Variants in ACOT12 observed in about 807,000 individuals in gnomAD.
The protein encoded by ACOT12 is acyl-CoA thioesterase 12, also known as acetyl-coenzyme A thioesterase.
In ACOT12, 51 loss-of-function variants were observed where a neutral mutation model predicts 67.7. The ratio of observed to expected loss-of-function variants is 0.75; its 90% CI spans 0.60 to 0.95. ACOT12 has a LOEUF of 0.95. Ranked by LOEUF, ACOT12 falls within the 40% of genes least tolerant of loss-of-function variation. The probability of loss-of-function intolerance (pLI) is 0.00; values close to 1 mark genes in which losing one functional copy is unlikely to be tolerated. For missense variants in ACOT12, 734 were observed against 708.1 expected (o/e 1.04, Z -0.41); for synonymous variants, 251 against 244.6 (o/e 1.03, Z -0.24).
At chr5:81,393,740 CG>C (rs1185111048) in intron 1 of ACOT12, among the ~76,000 whole-genome samples, 1 of 151,018 alleles carries the variant, frequency 6.6e-6, no homozygotes, top group African/African-American at 2.5e-5. Flanking sequence ...CAAAAAACCC[CG>C]CAGAAGCTCT....
intron 5 of ACOT12, among the ~76,000 whole-genome samples, chr5:81,351,735 A>G (rs1482448751): frequency 6.6e-6 from 1 of 152,226 alleles, no homozygotes; most frequent in African/African-American, 2.4e-5. Flanking sequence ...ACAGGTAACC[A>G]AAGCAAAAAT....
At chr5:81,312,423 A>G in the ACOT12 span, 1 of 710,744 alleles carries the variant, frequency 1.4e-6, no homozygotes, top group Non-Finnish European at 2.4e-6. Flanking sequence ...TTAGTGATGG[A>G]GTCTTCCCTC....
intron 12 of ACOT12, among the ~76,000 whole-genome samples, chr5:81,333,911 C>T (rs1758912037): frequency 6.6e-6 from 1 of 152,182 alleles, no homozygotes; most frequent in African/African-American, 2.4e-5. Flanking sequence ...GCCCACTGCA[C>T]CCCACATCCT....
intron 3 of ACOT12, among the ~76,000 whole-genome samples, chr5:81,370,107 C>G (rs1197524599): frequency 6.6e-6 from 1 of 151,964 alleles, no homozygotes; most frequent in Non-Finnish European, 1.5e-5. Context: ...ATGGTGAAAC[C>G]CCATCTCTAC....
the ACOT12 span, among the ~76,000 whole-genome samples, chr5:81,319,331 T>C: frequency 6.6e-6 from 1 of 152,210 alleles, no homozygotes; most frequent in South Asian, 2.1e-4. Context: ...AATTGACTAT[T>C]TAAAGTGTAT....
chr5:81,322,115 T>A, the ACOT12 span, among the ~76,000 whole-genome samples: 1 of 152,084 alleles, frequency 6.6e-6, no homozygotes, highest in African/African-American at 2.4e-5. Context: ...GAGGCAATAT[T>A]TTTTTAAATG....
the ACOT12 span, among the ~76,000 whole-genome samples, chr5:81,314,914 C>T: frequency 1.3e-5 from 2 of 152,048 alleles, no homozygotes; most frequent in Admixed American, 6.6e-5. Context: ...TGGGCTCCAG[C>T]GATCCTCCCG....
At chr5:81,325,559 G>A (rs140120125), downstream of ACOT12, among the ~76,000 whole-genome samples, 6 of 147,592 alleles carry the variant, frequency 4.1e-5, no homozygotes, top group Admixed American at 2.0e-4. Context: ...ACAAGGAAAC[G>A]GGGGGGCATG....
At chr5:81,380,459 G>A (rs912058231) in intron 2 of ACOT12, among the ~76,000 whole-genome samples, 1 of 151,482 alleles carries the variant, frequency 6.6e-6, no homozygotes, top group African/African-American at 2.4e-5. Flanking sequence ...AGCTACTCGG[G>A]AGGCTGAGGC....
downstream of ACOT12, among the ~76,000 whole-genome samples, chr5:81,326,669 G>A (rs1276296892): frequency 6.6e-6 from 1 of 152,202 alleles, no homozygotes; most frequent in East Asian, 1.9e-4. Context: ...AACTTTTTGA[G>A]CAAGTAGCGA....
chr5:81,327,643 G>T (rs1014541607), downstream of ACOT12, among the ~76,000 whole-genome samples: 7 of 152,202 alleles, frequency 4.6e-5, no homozygotes, highest in African/African-American at 1.4e-4. Context: ...GTTTCACCAT[G>T]TTGGTCAGGC....
At chr5:81,349,272 C>T (rs1214164213) in intron 5 of ACOT12, among the ~76,000 whole-genome samples, 5 of 152,094 alleles carry the variant, frequency 3.3e-5, no homozygotes, top group African/African-American at 9.7e-5. Context: ...TTCCAGTGAT[C>T]GTTTCAGTCC....
the ACOT12 span, among the ~76,000 whole-genome samples, chr5:81,324,866 T>A: frequency 6.6e-6 from 1 of 152,026 alleles, no homozygotes; most frequent in Non-Finnish European, 1.5e-5. Flanking sequence ...ATAATAGAAG[T>A]ATTGTGGAGT....
chr5:81,323,661 A>G, the ACOT12 span, among the ~76,000 whole-genome samples: 1 of 152,046 alleles, frequency 6.6e-6, no homozygotes, highest in African/African-American at 2.4e-5. Context: ...GCAGACCCTT[A>G]TAGACCATTA....
chr5:81,311,385 A>G, the ACOT12 span: 1 of 1,172,464 alleles, frequency 8.5e-7, no homozygotes, highest in Non-Finnish European at 1.3e-6. Context: ...TGATTTTAAG[A>G]CAACCTGTTT....
intron 1 of ACOT12, among the ~76,000 whole-genome samples, chr5:81,389,254 G>A (rs1214077613): frequency 1.3e-5 from 2 of 152,140 alleles, no homozygotes; most frequent in Non-Finnish European, 2.9e-5. Flanking sequence ...GCAGAGAGTA[G>A]GAGGGAGAGT....
chr5:81,338,513 G>A (rs1218653917), intron 11 of ACOT12, among the ~76,000 whole-genome samples: 6 of 152,252 alleles, frequency 3.9e-5, no homozygotes, highest in Non-Finnish European at 5.9e-5. Context: ...AGTTTCCTGA[G>A]GCCTCCCCAG....
rs1369858486 is a variant in ACOT12, at chr5:81,359,934, G to A, written c.465C>T (p.Asn155=). ...KVRLQHEDTF[N]NLMKESSKFD... is the part of the protein sequence containing the mutation. ...ATTTGCTACTTTCCTTCATTAAATT[G>A]TTAAAGGTATCTTCATGTTGTAATC... is the stretch of plus-strand genomic sequence containing the variant. Residue 155 remains asparagine (N), a synonymous_variant, in exon 5 of 15, where the codon AAC becomes AAT. Transcript: ENST00000307624. The A allele has an allele frequency of 3.1e-6, 5 of 1,611,206 alleles. No homozygotes were observed. In the East Asian group the frequency reaches 8.9e-5, roughly 29 times the overall value.
chr5:81,319,090 C>G, the ACOT12 span, among the ~76,000 whole-genome samples: 1 of 152,216 alleles, frequency 6.6e-6, no homozygotes, highest in Non-Finnish European at 1.5e-5. Flanking sequence ...AACTCATGCT[C>G]TTACAGAGAT....
Sources: gnomAD v4.1 joint callset for allele counts (sites outside exome capture counted in the v4.1 genomes callset) on GRCh38, gnomAD v4.1.1 for gene constraint, MANE v1.5 for transcripts, NCBI Gene and HGNC (gene_info 2026-07-23, HGNC 2026-07-21) for gene names.